NHERF2: variants seen among roughly 807,000 people sequenced by gnomAD.
NHERF2 encodes NHERF family PDZ scaffold protein 2.
At chr16:2,027,342 G>A in the NHERF2 span, 2 of 495,876 alleles carry the variant, frequency 4.0e-6, no homozygotes, top group East Asian at 3.9e-5. Flanking sequence ...TTGTCGGGAG[G>A]CAGCGGCCCG....
the NHERF2 span, among the ~76,000 whole-genome samples, chr16:2,030,129 G>A: frequency 1.3e-5 from 2 of 152,226 alleles, no homozygotes; most frequent in Non-Finnish European, 2.9e-5. Context: ...CCAGGTCTGC[G>A]TGTGCGCAGC....
the NHERF2 span, chr16:2,036,391 A>G: frequency 1.2e-6 from 2 of 1,610,452 alleles, no homozygotes; most frequent in Non-Finnish European, 8.5e-7. Flanking sequence ...CCTCAGGGCT[A>G]TGGGTTCAAC....
chr16:2,037,555 G>C, the NHERF2 span: 8 of 1,612,194 alleles, frequency 5.0e-6, no homozygotes, highest in South Asian at 1.1e-5. Context: ...GTGGCTCTGC[G>C]TGCTCGTCCC....
chr16:2,036,911 T>G, the NHERF2 span: 1 of 1,588,402 alleles, frequency 6.3e-7, no homozygotes, highest in Non-Finnish European at 8.6e-7. Flanking sequence ...ACAGGGTGGG[T>G]GCGGTGTGGT....
the NHERF2 span, chr16:2,036,649 A>G: frequency 6.4e-7 from 1 of 1,573,500 alleles, no homozygotes; most frequent in South Asian, 1.1e-5. Context: ...TGTGATGAAT[A>G]TTTGATGCCA....
the NHERF2 span, among the ~76,000 whole-genome samples, chr16:2,030,014 T>C: frequency 6.6e-6 from 1 of 152,154 alleles, no homozygotes. Context: ...GTTCCTCTTC[T>C]CCAGGATGCT....
chr16:2,038,411 TCCC>T, the NHERF2 span: 1 of 62,162 alleles, frequency 1.6e-5, no homozygotes, highest in Non-Finnish European at 3.6e-5. Flanking sequence ...CCCCCCCCCT[TCCC>T]CTCCCCCTTC....
At chr16:2,036,093 C>T in the NHERF2 span, 1,631 of 512,092 alleles carry the variant, frequency 3.2e-3, 23 homozygotes, top group African/African-American at 0.028. Flanking sequence ...CCCGGGAAGG[C>T]GGCTGGGCCC....
At chr16:2,033,115 C>T in the NHERF2 span, 1 of 1,392,284 alleles carries the variant, frequency 7.2e-7, no homozygotes, top group Non-Finnish European at 9.3e-7. Flanking sequence ...TTCCTTCCTT[C>T]CTTTCTTGGG....
chr16:2,035,476 C>T, the NHERF2 span: 2 of 986,092 alleles, frequency 2.0e-6, no homozygotes, highest in Non-Finnish European at 2.4e-6. Flanking sequence ...CCCAGCCCGC[C>T]TGCACAGTCT....
chr16:2,036,809 C>A, the NHERF2 span: 1 of 1,613,334 alleles, frequency 6.2e-7, no homozygotes, highest in Non-Finnish European at 8.5e-7. Context: ...GGCCCGGCTG[C>A]TGGTCGTGGA....
chr16:2,035,871 C>T, the NHERF2 span: 3 of 196,602 alleles, frequency 1.5e-5, no homozygotes, highest in Middle Eastern at 2.4e-3. Context: ...CAGCCAGCCC[C>T]ACGGAGGCCT....
the NHERF2 span, chr16:2,038,223 G>C: frequency 5.0e-6 from 1 of 201,532 alleles, no homozygotes; most frequent in Non-Finnish European, 1.0e-5. Flanking sequence ...GACAGAGACA[G>C]AGAGAGAGAG....
At chr16:2,037,780 G>A in the NHERF2 span, 28 of 1,554,336 alleles carry the variant, frequency 1.8e-5, no homozygotes, top group African/African-American at 3.6e-4. Flanking sequence ...CTGGGGTGTG[G>A]GACTAGGGCT....
chr16:2,036,766 G>T, the NHERF2 span: 1 of 1,613,426 alleles, frequency 6.2e-7, no homozygotes, highest in Non-Finnish European at 8.5e-7. Context: ...GCCATGCTGA[G>T]GTGGTGGCCA....
chr16:2,035,638 G>A, the NHERF2 span: 1 of 986,110 alleles, frequency 1.0e-6, no homozygotes, highest in Non-Finnish European at 1.2e-6. Context: ...TGGTCATTGG[G>A]CCTGGCCTTG....
the NHERF2 span, chr16:2,038,399 G>A: frequency 2.7e-6 from 1 of 372,240 alleles, no homozygotes. Flanking sequence ...TAATACCAGA[G>A]ACCCCCCCCC....
chr16:2,027,311 C>G, the NHERF2 span: 1 of 715,730 alleles, frequency 1.4e-6, no homozygotes, highest in Non-Finnish European at 1.9e-6. Context: ...CGAGGGGGCT[C>G]CCGCGGGGAG....
the NHERF2 span, chr16:2,027,100 G>A: frequency 1.4e-6 from 2 of 1,464,902 alleles, no homozygotes; most frequent in Non-Finnish European, 1.8e-6. Context: ...AAGGGCCGCC[G>A]CGGGCAGTTC....
Sources: gnomAD v4.1 joint callset for allele counts (sites outside exome capture counted in the v4.1 genomes callset) on GRCh38, gnomAD v4.1.1 for gene constraint, MANE v1.5 for transcripts, NCBI Gene and HGNC (gene_info 2026-07-23, HGNC 2026-07-21) for gene names.